The following RBMS3 variants were observed in gnomAD, a reference collection of about 807,000 sequenced individuals.
The protein encoded by RBMS3 is RNA-binding motif, single-stranded-interacting protein 3.
RBMS3 carries 27 observed loss-of-function variants against 66.8 expected under a neutral mutation model. The observed-to-expected ratio is 0.40, with a 90% CI of 0.30 to 0.56. The LOEUF (loss-of-function observed/expected upper bound fraction) is 0.56, where lower values mean the gene tolerates loss of function less well. RBMS3 is among the 20% of genes least tolerant of loss of function. The pLI is 0.40. For missense variants in RBMS3, 513 were observed against 549.5 expected (o/e 0.93, Z 0.66); for synonymous variants, 188 against 183.0 (o/e 1.03, Z -0.22).
chr3:29,465,228 CAGA>C (rs1474623953), intron 2 of RBMS3, among the ~76,000 whole-genome samples: 3 of 151,986 alleles, frequency 2.0e-5, no homozygotes, highest in African/African-American at 7.3e-5. Flanking sequence ...TAAAAAGCCA[CAGA>C]AGAAGTCATG....
At chr3:29,821,583 A>T (rs1476462137) in intron 6 of RBMS3, among the ~76,000 whole-genome samples, 2 of 152,190 alleles carry the variant, frequency 1.3e-5, no homozygotes, top group Non-Finnish European at 2.9e-5. Flanking sequence ...GCAATCACAA[A>T]CTAAGCAAAC....
chr3:29,359,593 A>G (rs1284088361), intron 1 of RBMS3, among the ~76,000 whole-genome samples: 1 of 152,004 alleles, frequency 6.6e-6, no homozygotes, highest in Non-Finnish European at 1.5e-5. Flanking sequence ...CTCTTTTTCT[A>G]CTGATTGGAA....
intron 3 of RBMS3, among the ~76,000 whole-genome samples, chr3:29,535,710 C>CTTTTTTTGTT: frequency 2.5e-5 from 1 of 39,734 alleles, no homozygotes; most frequent in Non-Finnish European, 4.2e-5. Context: ...GATCATTGCT[C>CTTTTTTTGTT]TTTTTTTTTT....
chr3:29,495,166 A>G (rs966953832), intron 3 of RBMS3, among the ~76,000 whole-genome samples: 1 of 152,086 alleles, frequency 6.6e-6, no homozygotes, highest in African/African-American at 2.4e-5. Context: ...TCTGCATATG[A>G]CACTTATTTT....
chr3:29,921,511 T>A (rs1190064994), intron 10 of RBMS3, among the ~76,000 whole-genome samples: 1 of 65,178 alleles, frequency 1.5e-5, no homozygotes, highest in Non-Finnish European at 3.0e-5. Context: ...GTGGGGGGGC[T>A]GGGGGTGCAG....
At chr3:29,981,202 A>G (rs1577310099) in intron 12 of RBMS3, among the ~76,000 whole-genome samples, 1 of 152,258 alleles carries the variant, frequency 6.6e-6, no homozygotes, top group East Asian at 1.9e-4. Context: ...GCAATTGTGA[A>G]TAGGAGTTCA....
rs188127180 is a variant in RBMS3, at chr3:29,744,552, G to A, written c.557+4675G>A. On this transcript the variant is annotated intron_variant, in intron 5 of 14. Transcript: ENST00000383767. ...TAATCCCAGCACTTTGGGAGGCCAA[G>A]GCAGGCAGATCATGAGGTCAGGAGT... is the stretch of plus-strand genomic sequence containing the variant. 4.8e-3 allele frequency among the ~76,000 whole-genome samples: 736 copies of A among 152,294 alleles called. 6 individuals carry two copies. The highest frequency in any genetic ancestry group is 0.01 in the Middle Eastern group (3 of 294).
intron 3 of RBMS3, among the ~76,000 whole-genome samples, chr3:29,570,440 A>G (rs560874898): frequency 2.0e-5 from 3 of 152,002 alleles, no homozygotes; most frequent in African/African-American, 7.2e-5. Flanking sequence ...TATTTTTTGT[A>G]CCCTTCAACC....
chr3:29,847,939 A>G (rs2058829837), intron 6 of RBMS3, among the ~76,000 whole-genome samples: 1 of 152,150 alleles, frequency 6.6e-6, no homozygotes, highest in African/African-American at 2.4e-5. Context: ...TACAGGCGTC[A>G]ATTTTGTGTT....
chr3:29,984,952 T>C (rs1249568366), intron 12 of RBMS3, among the ~76,000 whole-genome samples: 2 of 152,154 alleles, frequency 1.3e-5, no homozygotes, highest in Non-Finnish European at 1.5e-5. Context: ...GCTGCTCTCT[T>C]CAGAGCCAGC....
intron 6 of RBMS3, among the ~76,000 whole-genome samples, chr3:29,795,340 G>A (rs2057146832): frequency 6.6e-6 from 1 of 152,194 alleles, no homozygotes; most frequent in African/African-American, 2.4e-5. Flanking sequence ...CTCCACCTCT[G>A]AAAACCTCCA....
intron 2 of RBMS3, among the ~76,000 whole-genome samples, chr3:29,473,896 T>C (rs1300634037): frequency 6.6e-6 from 1 of 152,182 alleles, no homozygotes; most frequent in Non-Finnish European, 1.5e-5. Flanking sequence ...TCCATACCTC[T>C]CTGCAAGCTG....
intron 2 of RBMS3, among the ~76,000 whole-genome samples, chr3:29,462,811 A>G (rs1182560162): frequency 6.6e-6 from 1 of 152,240 alleles, no homozygotes; most frequent in Non-Finnish European, 1.5e-5. Flanking sequence ...TTGACTTAAG[A>G]GACAAATGAC....
intron 3 of RBMS3, among the ~76,000 whole-genome samples, chr3:29,504,196 A>G (rs1320715474): frequency 6.6e-6 from 1 of 151,598 alleles, no homozygotes; most frequent in East Asian, 1.9e-4. Context: ...CAGGTCACAC[A>G]TATGTCTGAG....
At chr3:29,882,542 C>T (rs1171739013) in intron 7 of RBMS3, among the ~76,000 whole-genome samples, 4 of 151,994 alleles carry the variant, frequency 2.6e-5, no homozygotes. Context: ...TTTATGTATG[C>T]TCCCTTTATA....
chr3:29,464,188 T>C (rs1057077995), intron 2 of RBMS3, among the ~76,000 whole-genome samples: 1 of 152,026 alleles, frequency 6.6e-6, no homozygotes, highest in Non-Finnish European at 1.5e-5. Context: ...TAAAGAAATA[T>C]AAGAAGATTA....
At chr3:29,529,197 G>A (rs1369122414) in intron 3 of RBMS3, among the ~76,000 whole-genome samples, 2 of 152,122 alleles carry the variant, frequency 1.3e-5, no homozygotes, top group African/African-American at 4.8e-5. Context: ...TGTATTTATT[G>A]ATCTATTGTA....
At chr3:29,896,887 T>C (rs1337015119) in intron 8 of RBMS3, among the ~76,000 whole-genome samples, 1 of 151,628 alleles carries the variant, frequency 6.6e-6, no homozygotes, top group East Asian at 1.9e-4. Flanking sequence ...CAAATTGTCC[T>C]GTTGCTTCTC....
chr3:29,750,582 A>G (rs966482622), intron 5 of RBMS3, among the ~76,000 whole-genome samples: 2 of 152,166 alleles, frequency 1.3e-5, no homozygotes, highest in African/African-American at 4.8e-5. Context: ...TCAGGGGCAC[A>G]TGTGCAGGTT....
Sources: allele counts gnomAD v4.1 joint callset (sites outside exome capture counted in the v4.1 genomes callset), GRCh38; gene constraint gnomAD v4.1.1; transcripts MANE v1.5; gene names NCBI Gene and HGNC (gene_info 2026-07-23, HGNC 2026-07-21).